The following DUSP22 variants were observed in gnomAD, a reference collection of about 807,000 sequenced individuals.
DUSP22 encodes dual specificity phosphatase 22, also known as dual specificity protein phosphatase 22.
A neutral mutation model predicts 24.5 loss-of-function variants in DUSP22; 24 were observed. That is an observed-to-expected ratio of 0.98 (90% CI 0.71 to 1.38). DUSP22 has a LOEUF of 1.38. DUSP22 is among the 40% of genes most tolerant of loss of function. The probability of loss-of-function intolerance (pLI) is 0.00; values close to 1 mark genes in which losing one functional copy is unlikely to be tolerated. For synonymous variants in DUSP22, 160 were observed against 106.4 expected (o/e 1.50, Z -3.10); for missense variants, 330 against 269.2 (o/e 1.23, Z -1.58).
chr6:297,528 G>A (rs1481597554), intron 1 of DUSP22, among the ~76,000 whole-genome samples: 1 of 152,304 alleles, frequency 6.6e-6, no homozygotes, highest in East Asian at 1.9e-4. Flanking sequence ...ATAATTACTT[G>A]TGAGACTGCC....
chr6:311,679 C>CA (rs11390875), intron 2 of DUSP22, among the ~76,000 whole-genome samples: 150,222 of 151,834 alleles, frequency 0.99, 74,305 homozygotes, highest in East Asian at 1. Context: ...GACTCCGTCT[C>CA]AAAAAAAAAC....
chr6:345,768 A>T, intron 4 of DUSP22, 86 bp from the exon 5 acceptor site: 1 of 1,507,460 alleles, frequency 6.6e-7, no homozygotes, highest in Non-Finnish European at 9.0e-7. Context: ...TTAACATTTT[A>T]AGAAAGAAGC....
At chr6:327,723 G>GTAAAA (rs1272380697) in intron 3 of DUSP22, among the ~76,000 whole-genome samples, 1 of 152,300 alleles carries the variant, frequency 6.6e-6, no homozygotes, top group African/African-American at 2.4e-5. Flanking sequence ...TCCACAGAGA[G>GTAAAA]CCTGGTGGGT....
chr6:312,083 G>A (rs560624645), intron 3 of DUSP22, 121 bp downstream of exon 3: 15 of 1,085,478 alleles, frequency 1.4e-5, no homozygotes, highest in Middle Eastern at 2.1e-4. Flanking sequence ...GATCTCTGGC[G>A]GCATTCCCAT....
At chr6:341,184 G>A (rs1468694381) in intron 4 of DUSP22, among the ~76,000 whole-genome samples, 1 of 152,312 alleles carries the variant, frequency 6.6e-6, no homozygotes, top group Non-Finnish European at 1.5e-5. Flanking sequence ...CGCAAGCGTG[G>A]TCCGGTCCGT....
chr6:330,229 C>G (rs894607869), intron 3 of DUSP22, among the ~76,000 whole-genome samples: 3 of 152,302 alleles, frequency 2.0e-5, no homozygotes, highest in African/African-American at 7.2e-5. Context: ...GCCAAAATGA[C>G]GTTTCCATTG....
intron 1 of DUSP22, among the ~76,000 whole-genome samples, chr6:295,159 A>G (rs1757266173): frequency 6.6e-6 from 1 of 152,286 alleles, no homozygotes; most frequent in African/African-American, 2.4e-5. Flanking sequence ...ACATTTATAA[A>G]TATGTGCAAT....
chr6:337,927 A>T (rs1759432467), intron 4 of DUSP22: 1 of 152,604 alleles, frequency 6.6e-6, no homozygotes, highest in Non-Finnish European at 1.5e-5. Context: ...GCAAACTAGA[A>T]ACGTGGGTGG....
chr6:331,250 C>A (rs1759127177), intron 3 of DUSP22, among the ~76,000 whole-genome samples: 1 of 152,300 alleles, frequency 6.6e-6, no homozygotes, highest in African/African-American at 2.4e-5. Context: ...GTGCTGAATT[C>A]TTATTTATTT....
At chr6:324,630 G>A (rs7454530) in intron 3 of DUSP22, among the ~76,000 whole-genome samples, 1 of 152,306 alleles carries the variant, frequency 6.6e-6, no homozygotes, top group South Asian at 2.1e-4. Flanking sequence ...TGCCCATGCA[G>A]AACTGGCCAG....
intron 2 of DUSP22, among the ~76,000 whole-genome samples, chr6:310,122 A>T (rs1235151822): frequency 6.6e-6 from 1 of 152,298 alleles, no homozygotes; most frequent in East Asian, 1.9e-4. Flanking sequence ...CACCACGCCC[A>T]GCTAATTTTT....
chr6:303,568 G>C (rs1356526667), intron 1 of DUSP22, among the ~76,000 whole-genome samples: 1 of 152,304 alleles, frequency 6.6e-6, no homozygotes, highest in Non-Finnish European at 1.5e-5. Context: ...GGAAGATAGG[G>C]GAGCTGCAGG....
intron 3 of DUSP22, among the ~76,000 whole-genome samples, chr6:330,970 T>C (rs1203175543): frequency 6.6e-6 from 1 of 152,304 alleles, no homozygotes; most frequent in African/African-American, 2.4e-5. Context: ...AGGTAGAGAC[T>C]GTTCCTTACT....
At chr6:302,283 A>G (rs936608340) in intron 1 of DUSP22, among the ~76,000 whole-genome samples, 1 of 152,302 alleles carries the variant, frequency 6.6e-6, no homozygotes, top group African/African-American at 2.4e-5. Flanking sequence ...TAGGCGTCGT[A>G]TTCCATTTCA....
intron 4 of DUSP22, among the ~76,000 whole-genome samples, chr6:339,135 A>G (rs1473209103): frequency 6.6e-6 from 1 of 152,306 alleles, no homozygotes; most frequent in Non-Finnish European, 1.5e-5. Context: ...TGATTTTGTC[A>G]TGATTAGAGG....
At chr6:316,880 A>G (rs1481994905) in intron 3 of DUSP22, among the ~76,000 whole-genome samples, 5 of 152,308 alleles carry the variant, frequency 3.3e-5, no homozygotes, top group African/African-American at 1.2e-4. Flanking sequence ...AATGATTTAT[A>G]CTCATTTATG....
chr6:303,241 C>T (rs946273428), intron 1 of DUSP22, among the ~76,000 whole-genome samples: 3 of 152,308 alleles, frequency 2.0e-5, no homozygotes, highest in Non-Finnish European at 2.9e-5. Context: ...GCATTGTTCC[C>T]GTCTTTCAAG....
intron 4 of DUSP22, 109 bp from the exon 5 acceptor site, chr6:345,745 A>G (rs1309973124): frequency 8.9e-6 from 12 of 1,348,166 alleles, no homozygotes; most frequent in African/African-American, 2.9e-5. Context: ...TGTCAATTAT[A>G]CAAAAAAATC....
chr6:302,679 C>T (rs1437077558), intron 1 of DUSP22, among the ~76,000 whole-genome samples: 1 of 152,306 alleles, frequency 6.6e-6, no homozygotes, highest in Non-Finnish European at 1.5e-5. Context: ...GATAAACATG[C>T]TTATAGTCTA....
Sources: allele counts gnomAD v4.1 joint callset (sites outside exome capture counted in the v4.1 genomes callset), GRCh38; gene constraint gnomAD v4.1.1; transcripts MANE v1.5; gene names NCBI Gene and HGNC (gene_info 2026-07-23, HGNC 2026-07-21).